SHISA5: variants seen among roughly 807,000 people sequenced by gnomAD.
SHISA5 encodes shisa family member 5.
SHISA5 carries 21 observed loss-of-function variants against 27.5 expected under a neutral mutation model. That is an observed-to-expected ratio of 0.76 (90% CI 0.54 to 1.10). The LOEUF is 1.10. Among genes scored for constraint, SHISA5 ranks in the 50% least tolerant of loss-of-function variants. The pLI, the probability that SHISA5 is intolerant of heterozygous loss-of-function variation, is 0.00. For synonymous variants in SHISA5, 137 were observed against 142.2 expected (o/e 0.96, Z 0.26); for missense variants, 314 against 336.3 (o/e 0.93, Z 0.52).
chr3:48,475,447 A>C (rs1312773784), intron 3 of SHISA5, among the ~76,000 whole-genome samples: 2 of 152,122 alleles, frequency 1.3e-5, no homozygotes, highest in South Asian at 4.1e-4. Context: ...GGCGGCCTCC[A>C]AGAAATGGAA....
At position 48,470,199 on chromosome 3, in the gene SHISA5, A is replaced by G. The variant is rs2040556339; in HGVS notation, c.315-356T>C. 1.3e-5 allele frequency among the ~76,000 whole-genome samples: 2 copies of G among 152,224 alleles called. No individual in the cohort carries two copies. Among genetic ancestry groups the G allele is most frequent in the Non-Finnish European group, 2.9e-5 (2 of 68,038 alleles). ...GCCACAAGCCAGGCACTGTGATTTG[A>G]GTCAAAAAACTTAACAGTGGGCAAG... On this transcript the variant is annotated intron_variant, in intron 3 of 5. Coordinates refer to ENST00000296444, the MANE Select transcript of SHISA5 (RefSeq NM_016479.6). The surrounding 1 kb of genome is among the most constrained non-coding windows in gnomAD (Gnocchi z 4.3).
chr3:48,502,108 C>G (rs1345570582), intron 1 of SHISA5, among the ~76,000 whole-genome samples: 3 of 152,168 alleles, frequency 2.0e-5, no homozygotes, highest in Non-Finnish European at 2.9e-5. Context: ...GGTGATCCAC[C>G]CATCTTGGCC....
chr3:48,502,990 G>C (rs1575337151), intron 1 of SHISA5: 2 of 674,388 alleles, frequency 3.0e-6, no homozygotes, highest in East Asian at 6.7e-5. Context: ...TGGGGAGTTG[G>C]GGGGAACTGC....
At chr3:48,477,435 C>T (rs546669405) in intron 3 of SHISA5, among the ~76,000 whole-genome samples, 80 of 152,172 alleles carry the variant, frequency 5.3e-4, no homozygotes, top group Non-Finnish European at 1.0e-3. Flanking sequence ...CGGGGTCGCC[C>T]AGGCTGGAGT....
At chr3:48,503,698 T>C in intron 1 of SHISA5, 1 of 1,156,986 alleles carries the variant, frequency 8.6e-7, no homozygotes, top group East Asian at 4.4e-5. Context: ...CCCGCCAGAC[T>C]AAAGCCAGGC....
At chr3:48,484,314 G>C (rs2107337248) in intron 2 of SHISA5, among the ~76,000 whole-genome samples, 1 of 152,312 alleles carries the variant, frequency 6.6e-6, no homozygotes, top group South Asian at 2.1e-4. Flanking sequence ...GAAATATGTG[G>C]GCTGGGTGCG....
chr3:48,494,044 T>C (rs1205073365), intron 2 of SHISA5, among the ~76,000 whole-genome samples: 1 of 147,314 alleles, frequency 6.8e-6, no homozygotes, highest in Admixed American at 6.6e-5. Context: ...GTCACCATTA[T>C]GATGTACAAT....
rs1054564554 is a variant in SHISA5 at position 48,470,945 on chromosome 3, A to G, written c.315-1102T>C. On this transcript the variant is annotated intron_variant, in intron 3 of 5. Transcript: ENST00000296444. This position sits in a 1 kb window ranked among gnomAD's most constrained non-coding sequence, Gnocchi z 4.3. ...CTGTCTCAAAAATGAAAGAAAAAAA[A>G]AAAAACCTGACTTCCAAATGCAGAC... 3.9e-5 allele frequency among the ~76,000 whole-genome samples: 6 copies of G among 152,058 alleles called. No individual in the cohort carries two copies. The highest frequency in any genetic ancestry group is 8.8e-5 in the Non-Finnish European group (6 of 67,998).
At chr3:48,478,093 G>A (rs986610729) in intron 3 of SHISA5, among the ~76,000 whole-genome samples, 3 of 152,224 alleles carry the variant, frequency 2.0e-5, no homozygotes, top group African/African-American at 7.2e-5. Context: ...GGCCCACACA[G>A]GCTGGGCATA....
At chr3:48,493,775 C>T (rs2041487905) in intron 2 of SHISA5, among the ~76,000 whole-genome samples, 1 of 146,464 alleles carries the variant, frequency 6.8e-6, no homozygotes, top group Non-Finnish European at 1.5e-5. Context: ...TCATGTGATC[C>T]ACCCGCCTCA....
chr3:48,468,200 G>A lies in SHISA5; in HGVS notation c.*907C>T. On this transcript the variant is annotated 3_prime_UTR_variant, in exon 6 of 6. Transcript: ENST00000296444. ...GCCAATTTCCCTCCACAACCCAGGG[G>A]TTTCAGTCTCATATCAACTATCATG... The A allele has an allele frequency of 1.0e-6, 1 of 1,001,446 alleles. No individual in the cohort carries two copies. Among genetic ancestry groups the A allele is most frequent in the Non-Finnish European group, 1.2e-6 (1 of 838,530 alleles). The allele number at this position is 1,001,446 out of a possible 1,614,324, so 62.0% of individuals were successfully genotyped here.
rs1010204044 is a variant in SHISA5, at chr3:48,479,382, C to T, written c.234-125G>A. 7.9e-5 allele frequency: 63 copies of T among 800,382 alleles called. 2 individuals carry two copies. The allele number at this position is 800,382 out of a possible 1,614,324, so 49.6% of individuals were successfully genotyped here. A position where few individuals can be genotyped will look rare whatever the true frequency, so the allele number is the denominator to read the frequency against. ...TGAACCGGTGGCTTCAATGGCCTTC[C>T]AGAGGTGGACTCTGCCCACACCGGG... On this transcript the variant is annotated intron_variant, in intron 2 of 5. Coordinates refer to ENST00000296444, the MANE Select transcript of SHISA5 (RefSeq NM_016479.6).
At chr3:48,477,042 C>T (rs1160057295) in intron 3 of SHISA5, 1 of 452,150 alleles carries the variant, frequency 2.2e-6, no homozygotes, top group Non-Finnish European at 4.4e-6. Context: ...TCCTATGCCC[C>T]TCTGGGAGCT....
chr3:48,471,721 A>C (rs192711869), intron 3 of SHISA5, among the ~76,000 whole-genome samples: 1 of 150,674 alleles, frequency 6.6e-6, no homozygotes, highest in African/African-American at 2.5e-5. Flanking sequence ...GAGAAAGTAT[A>C]AAAAAAATTA....
chr3:48,491,179 C>T (rs1227528012), intron 2 of SHISA5, among the ~76,000 whole-genome samples: 2 of 148,856 alleles, frequency 1.3e-5, no homozygotes, highest in East Asian at 2.0e-4. Flanking sequence ...AGTGCAGTGG[C>T]GTGATCTCTG....
chr3:48,503,896 G>A (rs942094647), intron 1 of SHISA5, 123 bp downstream of exon 1: 2 of 1,329,306 alleles, frequency 1.5e-6, no homozygotes, highest in South Asian at 1.9e-5. Flanking sequence ...GACGGCCTCG[G>A]GGCAATCAGG....
At chr3:48,500,520 T>C (rs1276221400) in intron 2 of SHISA5, among the ~76,000 whole-genome samples, 1 of 152,058 alleles carries the variant, frequency 6.6e-6, no homozygotes, top group East Asian at 1.9e-4. Flanking sequence ...TCACCTGCCA[T>C]GAGCAGAGGA....
intron 1 of SHISA5, among the ~76,000 whole-genome samples, chr3:48,503,512 G>C (rs889238150): frequency 6.6e-6 from 1 of 152,188 alleles, no homozygotes. Flanking sequence ...CAGACTCTGT[G>C]AATCACCTAT....
intron 2 of SHISA5, among the ~76,000 whole-genome samples, chr3:48,498,485 G>A (rs1231566857): frequency 1.3e-5 from 2 of 151,680 alleles, no homozygotes; most frequent in Admixed American, 6.6e-5. Context: ...TCAGTAGTTC[G>A]AGACCAACCT....
Sources: allele counts gnomAD v4.1 joint callset (sites outside exome capture counted in the v4.1 genomes callset), GRCh38; gene constraint gnomAD v4.1.1; non-coding constraint Gnocchi (gnomAD v3.1); transcripts MANE v1.5; gene names NCBI Gene and HGNC (gene_info 2026-07-23, HGNC 2026-07-21).